The following SERPINB2 variants were observed in gnomAD, a reference collection of about 807,000 sequenced individuals.
The protein encoded by SERPINB2 is plasminogen activator inhibitor 2.
In SERPINB2, 28 loss-of-function variants were observed where a neutral mutation model predicts 39.4. The ratio of observed to expected loss-of-function variants is 0.71; its 90% confidence interval spans 0.53 to 0.97. The LOEUF (loss-of-function observed/expected upper bound fraction) is 0.97. SERPINB2 is among the 50% of genes least tolerant of loss of function. The probability of loss-of-function intolerance (pLI) is 0.00; values close to 1 mark genes in which losing one functional copy is unlikely to be tolerated. For synonymous variants in SERPINB2, 209 were observed against 175.1 expected, an observed-to-expected ratio of 1.19 and a Z score of -1.53; for missense variants, 557 against 505.3, an observed-to-expected ratio of 1.10 and a Z score of -0.98.
Position 63,895,397 on chromosome 18 carries a change from T to C in SERPINB2, c.288+14T>C, listed in dbSNP as rs201906704. On this transcript the variant is annotated intron_variant, in intron 3 of 7. Coordinates refer to ENST00000299502, the MANE Select transcript of SERPINB2 (RefSeq NM_002575.3). ...GCGATTTTGCAGGTATCTGACTTAC[T>C]GGTCCAAATTTCTTTTGTGGTTTAT... The C allele has an allele frequency of 2.5e-6, 4 of 1,614,014 alleles. No individual in the cohort carries two copies. The highest frequency in any genetic ancestry group is 2.7e-5 in the African/African-American group (2 of 75,066).
chr18:63,899,367 T>C (rs1367112610), intron 5 of SERPINB2, among the ~76,000 whole-genome samples: 2 of 152,186 alleles, frequency 1.3e-5, no homozygotes, highest in Non-Finnish European at 2.9e-5. Context: ...ACTTATCCTA[T>C]GCCCCCACAA....
At chr18:63,901,967 T>A in intron 6 of SERPINB2, 85 bp downstream of exon 6, 2 of 1,288,590 alleles carry the variant, frequency 1.6e-6, no homozygotes, top group Non-Finnish European at 2.1e-6. Flanking sequence ...GACCGCTCAT[T>A]ATAGACTTGC....
Position 63,902,325 on chromosome 18 carries a change from C to A in SERPINB2, c.679-79C>A, listed in dbSNP as rs17072043. The A allele has an allele frequency of 5.3e-3, 6,785 of 1,272,640 alleles. 244 individuals are homozygous for A. In the African/African-American group the frequency reaches 0.087, roughly 16 times the overall value. 78.8% of individuals were successfully genotyped at this position (1,272,640 alleles called of 1,614,324 possible). A position where few individuals can be genotyped will look rare whatever the true frequency, so the allele number is the denominator to read the frequency against. On this transcript the variant is annotated intron_variant, in intron 6 of 7. Transcript: ENST00000299502. ...CATTTATCCTACACTAAAGTAGAAC[C>A]AATCCTCCTTTATGTCTAATTGTAA...
chr18:63,893,737 A>G (rs74989246), intron 2 of SERPINB2, among the ~76,000 whole-genome samples: 1 of 152,360 alleles, frequency 6.6e-6, no homozygotes, highest in South Asian at 2.1e-4. Context: ...TATGTAAGGC[A>G]CTTAGTAGCA....
At chr18:63,888,475 G>A (rs935427613) in intron 1 of SERPINB2, among the ~76,000 whole-genome samples, 1 of 152,206 alleles carries the variant, frequency 6.6e-6, no homozygotes, top group African/African-American at 2.4e-5. Flanking sequence ...TATTTGATGA[G>A]ATATTCCCTT....
At chr18:63,894,065 C>T (rs748282279) in intron 2 of SERPINB2, among the ~76,000 whole-genome samples, 2 of 152,144 alleles carry the variant, frequency 1.3e-5, no homozygotes, top group African/African-American at 4.8e-5. Flanking sequence ...GGCCAAACTG[C>T]CTCACTATTT....
At chr18:63,888,739 C>A (rs1034740906) in intron 1 of SERPINB2, among the ~76,000 whole-genome samples, 1 of 152,168 alleles carries the variant, frequency 6.6e-6, no homozygotes, top group Non-Finnish European at 1.5e-5. Flanking sequence ...CCAGGAAGCC[C>A]AACCCTGCAT....
At chr18:63,891,872 C>T (rs994466301) in intron 2 of SERPINB2, among the ~76,000 whole-genome samples, 9 of 152,178 alleles carry the variant, frequency 5.9e-5, no homozygotes, top group African/African-American at 2.2e-4. Context: ...TGAGTGACCA[C>T]ATCTTATATT....
At chr18:63,893,646 C>A (rs535813515) in intron 2 of SERPINB2, among the ~76,000 whole-genome samples, 1 of 152,272 alleles carries the variant, frequency 6.6e-6, no homozygotes, top group Non-Finnish European at 1.5e-5. Context: ...ACATTGAAAC[C>A]ATTTGCATCT....
At chr18:63,897,542 G>T (rs2049967826) in intron 4 of SERPINB2, among the ~76,000 whole-genome samples, 185 bp from the exon 5 acceptor site, 1 of 152,134 alleles carries the variant, frequency 6.6e-6, no homozygotes, top group Admixed American at 6.5e-5. Context: ...GATAGAGTTG[G>T]GGAGTAAGCG....
At chr18:63,892,872 G>A (rs542557225) in intron 2 of SERPINB2, 1 of 152,282 alleles carries the variant, frequency 6.6e-6, no homozygotes, top group South Asian at 2.1e-4. Context: ...TGCCTTGAAA[G>A]AATAAAGATA....
At chr18:63,887,809 G>A (rs2049902570) in intron 1 of SERPINB2, 39 bp downstream of exon 1, 1 of 152,196 alleles carries the variant, frequency 6.6e-6, no homozygotes, top group South Asian at 2.1e-4. Context: ...ATGGGAAATA[G>A]GGTTTCATGT....
rs766217243 is a variant in SERPINB2, at chr18:63,897,841, A to C, written c.532A>C (p.Lys178Gln). ...TAATTCCTGGGTCAAGACTCAAACC[A>C]AAGGTAAATCCAAGAAAATATTTTA... ...KINSWVKTQTKGKIPNLLPEG... is the reference protein window; with the variant it reads ...KINSWVKTQTQGKIPNLLPEG... The change falls in exon 5 of 8, where the codon AAA becomes CAA. Residue 178 changes from lysine to glutamine, a missense_variant. Lys to Gln is a moderately conservative substitution (Grantham distance 53). Coordinates refer to ENST00000299502, the MANE Select transcript of SERPINB2 (RefSeq NM_002575.3). 1.3e-6 allele frequency: 2 copies of C among 1,564,940 alleles called. No homozygotes were observed. Among genetic ancestry groups the C allele is most frequent in the South Asian group, 2.3e-5 (2 of 88,088 alleles).
intron 1 of SERPINB2, among the ~76,000 whole-genome samples, 187 bp from the exon 2 acceptor site, chr18:63,891,249 T>G (rs2049923872): frequency 6.6e-6 from 1 of 152,090 alleles, no homozygotes; most frequent in Non-Finnish European, 1.5e-5. Context: ...AACAAGGGGC[T>G]TTTTACGGCT....
chr18:63,891,720 C>T, intron 2 of SERPINB2, 108 bp downstream of exon 2: 1 of 1,093,844 alleles, frequency 9.1e-7, no homozygotes, highest in Admixed American at 2.7e-5. Context: ...GGTCAGCAAT[C>T]ATCACAGGTA....
In SERPINB2 at chr18:63,891,566, T is replaced by A; in HGVS notation, c.122T>A (p.Met41Lys). The A allele has an allele frequency of 6.2e-7, 1 of 1,614,138 alleles. No individual in the cohort carries two copies. The highest frequency in any genetic ancestry group is 8.5e-7 in the Non-Finnish European group (1 of 1,179,980). ...TGGAGCATCTCGTCCACCATGGCCA[T>A]GGTCTACATGGGCTCCAGGGGCAGC... is the stretch of plus-strand genomic sequence containing the variant. ...SPWSISSTMA[M>K]VYMGSRGSTE... The change falls in exon 2 of 8, where the codon ATG (methionine) becomes AAG (lysine). Residue 41 changes from methionine (M) to lysine (K), a missense_variant. Coordinates refer to ENST00000299502, the MANE Select transcript of SERPINB2 (RefSeq NM_002575.3).
At chr18:63,892,067 C>T (rs1165459819) in intron 2 of SERPINB2, among the ~76,000 whole-genome samples, 2 of 151,700 alleles carry the variant, frequency 1.3e-5, no homozygotes, top group African/African-American at 2.4e-5. Context: ...GTTCCCTATT[C>T]CTATGAAGAA....
rs2050006281 is a variant in SERPINB2, at chr18:63,903,253, T to C, written c.1196T>C (p.Met399Thr). Residue 399 changes from methionine (M) to threonine (T), a missense_variant, in exon 8 of 8, where the codon ATG becomes ACG. Physicochemically the swap from Met to Thr is moderately conservative, Grantham distance 81. Transcript: ENST00000299502. Reference protein sequence around the residue: ...VADHPFLFLIMHKITNCILFF... With the variant: ...VADHPFLFLITHKITNCILFF... ...GATCATCCTTTTCTTTTTCTTATTA[T>C]GCATAAGATAACCAACTGCATTTTA... 2 of 1,584,236 alleles carry C rather than the reference T, an allele frequency of 1.3e-6. No individual in the cohort carries two copies. Among genetic ancestry groups the C allele is most frequent in the Admixed American group, 1.8e-5 (1 of 54,278 alleles).
At position 63,902,982 on chromosome 18, in the gene SERPINB2, A is replaced by G; in HGVS notation, c.925A>G (p.Ile309Val). 8 of 1,613,834 alleles carry G rather than the reference A, an allele frequency of 5.0e-6. No individual in the cohort carries two copies. The highest frequency in any genetic ancestry group is 6.8e-6 in the Non-Finnish European group (8 of 1,179,806). The change falls in exon 8 of 8, where the codon ATA (isoleucine) becomes GTA (valine). Residue 309 changes from isoleucine to valine, a missense_variant. Transcript: ENST00000299502. ...GGCTGAAGATGAAGTTGAGGTATAC[A>G]TACCCCAGTTCAAATTAGAAGAGCA... ...KMAEDEVEVY[I>V]PQFKLEEHYE...
Sources: allele counts gnomAD v4.1 joint callset (sites outside exome capture counted in the v4.1 genomes callset), GRCh38; gene constraint gnomAD v4.1.1; transcripts MANE v1.5; gene names NCBI Gene and HGNC (gene_info 2026-07-23, HGNC 2026-07-21).